ADAMTS17: variants seen among roughly 807,000 people sequenced by gnomAD.
ADAMTS17 encodes the protein ADAM metallopeptidase with thrombospondin type 1 motif 17.
In ADAMTS17, 113 loss-of-function variants were observed where a neutral mutation model predicts 141.5. The ratio of observed to expected loss-of-function variants is 0.80; its 90% CI spans 0.69 to 0.93. ADAMTS17 has a LOEUF of 0.93. ADAMTS17 is among the 40% of genes least tolerant of loss of function. The pLI is 0.00. For missense variants in ADAMTS17, 1,659 were observed against 1,517.9 expected (o/e 1.09, Z -1.54); for synonymous variants, 768 against 630.6 (o/e 1.22, Z -3.27).
chr15:100,131,702 G>A (rs1002233858), intron 12 of ADAMTS17, among the ~76,000 whole-genome samples: 1 of 152,158 alleles, frequency 6.6e-6, no homozygotes, highest in African/African-American at 2.4e-5. Context: ...GCTAAACCAC[G>A]GGCAGGCTGG....
intron 2 of ADAMTS17, among the ~76,000 whole-genome samples, chr15:100,332,346 G>A (rs2141960219): frequency 6.6e-6 from 1 of 152,374 alleles, no homozygotes; most frequent in South Asian, 2.1e-4. Context: ...TGTGCGCGAT[G>A]CGGCCTCGGT....
Position 100,062,208 on chromosome 15 carries a change from C to A in ADAMTS17, c.2138-8154G>T, listed in dbSNP as rs571357121. Among the ~76,000 whole-genome samples the A allele has an allele frequency of 3.9e-5, 6 of 152,288 alleles. No individual in the cohort carries two copies. In the South Asian group the frequency reaches 1.2e-3, roughly 32 times the overall value. ...AAAAACCATGGGGCTGATGAAAATG[C>A]ACATGGATGTCAACTCCAGGGATGT... On this transcript the variant is annotated intron_variant, in intron 15 of 21. Coordinates refer to ENST00000268070, the MANE Select transcript of ADAMTS17 (RefSeq NM_139057.4).
intron 10 of ADAMTS17, among the ~76,000 whole-genome samples, chr15:100,143,338 A>G (rs2038748244): frequency 6.6e-6 from 1 of 152,218 alleles, no homozygotes. Context: ...AAGTAGCTTG[A>G]AAGTGTTGTT....
chr15:100,146,778 G>C (rs2038926873), intron 10 of ADAMTS17, among the ~76,000 whole-genome samples: 1 of 33,194 alleles, frequency 3.0e-5, no homozygotes, highest in African/African-American at 6.1e-5. Flanking sequence ...GGGGGTATAG[G>C]TCTATAGATG....
At chr15:100,066,663 A>C (rs980246559) in intron 15 of ADAMTS17, among the ~76,000 whole-genome samples, 9 of 152,236 alleles carry the variant, frequency 5.9e-5, no homozygotes, top group Non-Finnish European at 1.3e-4. Flanking sequence ...TAACACTTGA[A>C]ATACATTTTT....
At position 99,975,043 on chromosome 15, in the gene ADAMTS17, C is replaced by G. The variant is rs2060292324; in HGVS notation, c.3128-481G>C. On this transcript the variant is annotated intron_variant, in intron 21 of 21. Transcript: ENST00000268070. The stretch of plus-strand genomic sequence containing the variant: ...GGAGGTCCTGAAGTTCCCAAGCAGG[C>G]CGGTGCTTGAAAAGACACAACTATA... Among the ~76,000 whole-genome samples the G allele has an allele frequency of 2.6e-5, 4 of 152,294 alleles. No individual in the cohort carries two copies. In the South Asian group the frequency reaches 8.3e-4, roughly 32 times the overall value.
At position 100,318,761 on chromosome 15, in the gene ADAMTS17, C is replaced by T. The variant is rs577319933; in HGVS notation, c.616+12128G>A. Reference sequence around the variant, plus strand: ...CTGTAAGTGAGTGAATGATCTGAGACCTCAACAATCCAGCAGTTGTTGGGC... The same window carrying T: ...CTGTAAGTGAGTGAATGATCTGAGATCTCAACAATCCAGCAGTTGTTGGGC... On this transcript the variant is annotated intron_variant, in intron 3 of 21. Coordinates refer to ENST00000268070, the MANE Select transcript of ADAMTS17 (RefSeq NM_139057.4). 2.6e-5 allele frequency among the ~76,000 whole-genome samples: 4 copies of T among 152,320 alleles called. 1 individual carries two copies. The South Asian group carries it at 8.3e-4, about 32-fold the overall frequency.
intron 15 of ADAMTS17, among the ~76,000 whole-genome samples, chr15:100,093,839 T>C (rs2035609294): frequency 6.6e-6 from 1 of 152,262 alleles, no homozygotes. Context: ...TCTGTATACC[T>C]AGCGGTTAAA....
intron 4 of ADAMTS17, 123 bp from the exon 5 acceptor site, chr15:100,262,558 A>C: frequency 4.2e-6 from 3 of 712,386 alleles, no homozygotes; most frequent in African/African-American, 1.8e-5. Context: ...AATAGAAATA[A>C]AGCGTAGACT....
chr15:100,303,825 C>T (rs901958228), intron 3 of ADAMTS17, among the ~76,000 whole-genome samples: 18 of 152,126 alleles, frequency 1.2e-4, no homozygotes, highest in South Asian at 2.1e-4. Context: ...GAGGTTCAAG[C>T]GATTCTTCTG....
chr15:100,235,564 C>T (rs780434309), intron 7 of ADAMTS17, among the ~76,000 whole-genome samples: 4 of 152,150 alleles, frequency 2.6e-5, no homozygotes, highest in Non-Finnish European at 4.4e-5. Context: ...TCGGCATCAC[C>T]TCAGAGATTC....
chr15:100,188,134 T>A (rs2141573533), intron 8 of ADAMTS17, among the ~76,000 whole-genome samples: 1 of 152,080 alleles, frequency 6.6e-6, no homozygotes, highest in East Asian at 1.9e-4. Flanking sequence ...TGGAATGCAA[T>A]GGCGTGATTT....
rs115697344 is a variant in ADAMTS17 at position 100,284,333 on chromosome 15, G to T, written c.617-2932C>A. Among the ~76,000 whole-genome samples the T allele has an allele frequency of 4.4e-3, 664 of 152,308 alleles. 3 individuals carry two copies. Among genetic ancestry groups the T allele is most frequent in the African/African-American group, 0.015 (607 of 41,574 alleles). The stretch of plus-strand genomic sequence containing the variant: ...TTTTCACAAGCTTCCACTAATGACT[G>T]TCATTGGCTCCTTTCCCCCATTCCC... On this transcript the variant is annotated intron_variant, in intron 3 of 21. Transcript: ENST00000268070.
Position 100,086,450 on chromosome 15 carries a change from T to C in ADAMTS17, c.2137+9906A>G, listed in dbSNP as rs556308417. On this transcript the variant is annotated intron_variant, in intron 15 of 21. Transcript: ENST00000268070. ...TAGACAGATCAACGAGACAGACAGT[T>C]AACAAGGATATCCAGGAATTGAACT... Among the ~76,000 whole-genome samples, 11 of 151,982 alleles carry C rather than the reference T, an allele frequency of 7.2e-5. No homozygotes were observed. The South Asian group carries it at 1.9e-3, about 26-fold the overall frequency.
At chr15:100,318,407 G>T (rs191527552) in intron 3 of ADAMTS17, among the ~76,000 whole-genome samples, 2 of 152,058 alleles carry the variant, frequency 1.3e-5, no homozygotes, top group East Asian at 3.9e-4. Context: ...TAGGTCATGA[G>T]GGTGGGGCCC....
intron 3 of ADAMTS17, among the ~76,000 whole-genome samples, chr15:100,305,415 G>A (rs892520733): frequency 7.2e-5 from 11 of 152,236 alleles, no homozygotes; most frequent in Non-Finnish European, 1.3e-4. Context: ...CAGGTCTTCA[G>A]ATGGGTTTGC....
rs531636054 is a variant in ADAMTS17 at position 100,157,098 on chromosome 15, T to TG, written c.1182-1779dup. The stretch of plus-strand genomic sequence containing the variant: ...AAGCACAAGCAAGGAAAATGCCAGA[T>TG]GCTTACAAACCCATCAGATCTTGTG... On this transcript the variant is annotated intron_variant, in intron 8 of 21. Coordinates refer to ENST00000268070, the MANE Select transcript of ADAMTS17 (RefSeq NM_139057.4). 3.9e-4 allele frequency among the ~76,000 whole-genome samples: 60 copies of TG among 152,326 alleles called. 3 individuals carry two copies. The East Asian group carries it at 0.012, about 29-fold the overall frequency.
At chr15:100,332,753 C>T (rs971184517) in intron 2 of ADAMTS17, among the ~76,000 whole-genome samples, 1 of 152,178 alleles carries the variant, frequency 6.6e-6, no homozygotes, top group Non-Finnish European at 1.5e-5. Flanking sequence ...ATTCTCAGGG[C>T]CCCCATGTGC....
intron 18 of ADAMTS17, among the ~76,000 whole-genome samples, chr15:100,002,021 AAG>A (rs1343441666): frequency 8.0e-5 from 12 of 150,586 alleles, no homozygotes; most frequent in Admixed American, 3.3e-4. Context: ...AAAAAAGAAA[AAG>A]AAATTTGAAT....
Sources: gnomAD v4.1 joint callset for allele counts (sites outside exome capture counted in the v4.1 genomes callset) on GRCh38, gnomAD v4.1.1 for gene constraint, MANE v1.5 for transcripts, NCBI Gene and HGNC (gene_info 2026-07-23, HGNC 2026-07-21) for gene names.